STXBP4: variants seen among roughly 807,000 people sequenced by gnomAD.
The protein encoded by STXBP4 is syntaxin-binding protein 4.
In STXBP4, 55 loss-of-function variants were observed where a neutral mutation model predicts 76.1. The observed-to-expected ratio is 0.72, with a 90% confidence interval of 0.58 to 0.91. STXBP4 has a LOEUF of 0.91. Ranked by LOEUF, STXBP4 falls within the 40% of genes least tolerant of loss-of-function variation. STXBP4 has a pLI of 0.00. For synonymous variants in STXBP4, 201 were observed against 220.2 expected (o/e 0.91, Z 0.77); for missense variants, 618 against 636.9 (o/e 0.97, Z 0.32).
intron 1 of STXBP4, among the ~76,000 whole-genome samples, chr17:54,972,508 T>A (rs8080491): frequency 0.28 from 42,692 of 152,138 alleles, 6,256 homozygotes; most frequent in African/African-American, 0.35. Context: ...TTATTACTAT[T>A]ATTTTTTAAT....
intron 3 of STXBP4, among the ~76,000 whole-genome samples, chr17:54,988,114 T>A (rs1205958634): frequency 6.6e-6 from 1 of 152,210 alleles, no homozygotes; most frequent in Non-Finnish European, 1.5e-5. Flanking sequence ...ACATAGACAT[T>A]GCTTATAATA....
chr17:55,091,971 C>T (rs530645412), intron 16 of STXBP4, among the ~76,000 whole-genome samples: 38 of 152,334 alleles, frequency 2.5e-4, no homozygotes, highest in African/African-American at 8.7e-4. Flanking sequence ...CAAAATACTT[C>T]TGGTCCAAGC....
Position 55,167,623 on chromosome 17 carries a change from G to T in STXBP4, c.*7712G>T, listed in dbSNP as rs879281700. 5.9e-5 allele frequency: 9 copies of T among 152,288 alleles called. No homozygotes were observed. Among genetic ancestry groups the T allele is most frequent in the Non-Finnish European group, 1.2e-4 (8 of 68,022 alleles). The allele number at this position is 152,288 out of a possible 1,614,324, so 9.4% of individuals were successfully genotyped here. The stretch of plus-strand genomic sequence containing the variant: ...CCACAGAATGATTTTGGTATAGAAG[G>T]GTAGATAAAGCCTGAAACCAAAATA... On this transcript the variant is annotated 3_prime_UTR_variant, in exon 18 of 18. Coordinates refer to ENST00000376352, the MANE Select transcript of STXBP4 (RefSeq NM_178509.6).
At chr17:55,182,355 G>A in the STXBP4 span, among the ~76,000 whole-genome samples, 1 of 152,042 alleles carries the variant, frequency 6.6e-6, no homozygotes, top group Non-Finnish European at 1.5e-5. Context: ...ACAGCAGTTA[G>A]GCACAACTTA....
intron 13 of STXBP4, among the ~76,000 whole-genome samples, chr17:55,076,360 A>G (rs148699966): frequency 1.3e-5 from 2 of 152,294 alleles, no homozygotes; most frequent in East Asian, 3.9e-4. Context: ...TACATATTTT[A>G]GAAATTCATG....
chr17:55,100,011 T>C (rs550843864), intron 16 of STXBP4, among the ~76,000 whole-genome samples: 1 of 152,080 alleles, frequency 6.6e-6, no homozygotes, highest in African/African-American at 2.4e-5. Flanking sequence ...ATAATGAGCA[T>C]GAGAGATGAA....
At chr17:54,997,548 T>A (rs1041586226) in intron 4 of STXBP4, among the ~76,000 whole-genome samples, 1 of 146,116 alleles carries the variant, frequency 6.8e-6, no homozygotes, top group African/African-American at 2.5e-5. Flanking sequence ...TAAATATATA[T>A]AATATAAATA....
intron 16 of STXBP4, among the ~76,000 whole-genome samples, chr17:55,089,939 G>C (rs2079388872): frequency 6.6e-6 from 1 of 152,106 alleles, no homozygotes; most frequent in Admixed American, 6.6e-5. Flanking sequence ...AAAAGCACTA[G>C]CTGTTACAGG....
chr17:55,088,074 C>T (rs1404739303), intron 16 of STXBP4, among the ~76,000 whole-genome samples: 1 of 152,098 alleles, frequency 6.6e-6, no homozygotes, highest in Non-Finnish European at 1.5e-5. Context: ...CACATTTTGC[C>T]AGTACTTTTT....
chr17:55,182,809 C>CA, the STXBP4 span, among the ~76,000 whole-genome samples: 25 of 151,790 alleles, frequency 1.6e-4, no homozygotes, highest in Admixed American at 1.4e-3. Flanking sequence ...ACAACAACAA[C>CA]AACAAAAAAC....
At chr17:55,006,591 A>G (rs2078011476) in intron 7 of STXBP4, among the ~76,000 whole-genome samples, 1 of 152,212 alleles carries the variant, frequency 6.6e-6, no homozygotes, top group Admixed American at 6.5e-5. Context: ...TTATTCATGC[A>G]CTAAGGACAA....
At chr17:55,208,571 G>A in the STXBP4 span, among the ~76,000 whole-genome samples, 3 of 16,128 alleles carry the variant, frequency 1.9e-4, no homozygotes, top group Non-Finnish European at 3.7e-4. Flanking sequence ...GGAAGGGAGG[G>A]AGGGAAGAAG....
In STXBP4 at chr17:55,163,415, T is replaced by C. The variant is rs1218436464; in HGVS notation, c.*3504T>C. ...TTCTCTTTTCCTACTTTACATGTAA[T>C]GGTTGCGAGGACCAACTTTCAAATG... is the stretch of plus-strand genomic sequence containing the variant. On this transcript the variant is annotated 3_prime_UTR_variant, in exon 18 of 18. Transcript: ENST00000376352. 1 of 152,184 alleles carries C rather than the reference T, an allele frequency of 6.6e-6. No homozygotes were observed. Among genetic ancestry groups the C allele is most frequent in the African/African-American group, 2.4e-5 (1 of 41,440 alleles). 9.4% of individuals were successfully genotyped at this position (152,184 alleles called of 1,614,324 possible).
intron 1 of STXBP4, among the ~76,000 whole-genome samples, chr17:54,979,200 GTTC>G (rs2077514250): frequency 6.6e-6 from 1 of 151,990 alleles, no homozygotes; most frequent in Non-Finnish European, 1.5e-5. Flanking sequence ...AAATGTTTTT[GTTC>G]TCTCACTTTT....
chr17:55,128,099 T>A (rs1193290320), intron 16 of STXBP4, among the ~76,000 whole-genome samples: 1 of 152,166 alleles, frequency 6.6e-6, no homozygotes, highest in African/African-American at 2.4e-5. Flanking sequence ...ATAACAACAG[T>A]AAAATTTCAA....
intron 4 of STXBP4, among the ~76,000 whole-genome samples, chr17:54,995,326 A>G (rs932191820): frequency 5.3e-5 from 8 of 152,182 alleles, no homozygotes; most frequent in Non-Finnish European, 1.2e-4. Context: ...TAAAGTTCTC[A>G]AATGTTCATT....
intron 17 of STXBP4, among the ~76,000 whole-genome samples, chr17:55,153,411 C>T (rs1479542044): frequency 6.6e-6 from 1 of 152,136 alleles, no homozygotes; most frequent in Non-Finnish European, 1.5e-5. Context: ...TAGAGATGGT[C>T]TCATAAGGAG....
intron 12 of STXBP4, among the ~76,000 whole-genome samples, chr17:55,057,410 A>G (rs559282257): frequency 1.6e-4 from 25 of 152,340 alleles, no homozygotes; most frequent in Admixed American, 1.1e-3. Flanking sequence ...TGTATCTATG[A>G]TGCTTTTCAT....
intron 8 of STXBP4, among the ~76,000 whole-genome samples, chr17:55,021,940 T>C (rs2078320359): frequency 6.6e-6 from 1 of 152,208 alleles, no homozygotes. Flanking sequence ...AAGTAAATAA[T>C]TGGACAGGGG....
Sources: allele counts gnomAD v4.1 joint callset (sites outside exome capture counted in the v4.1 genomes callset), GRCh38; gene constraint gnomAD v4.1.1; transcripts MANE v1.5; gene names NCBI Gene and HGNC (gene_info 2026-07-23, HGNC 2026-07-21).